The following PCBP3 variants were observed in gnomAD, a reference collection of about 807,000 sequenced individuals.
The protein encoded by PCBP3 is poly(rC)-binding protein 3.
In PCBP3, 25 loss-of-function variants were observed where a neutral mutation model predicts 52.7. The ratio of observed to expected loss-of-function variants is 0.47; its 90% CI spans 0.35 to 0.66. The LOEUF (loss-of-function observed/expected upper bound fraction) is 0.66. PCBP3 is among the 30% of genes least tolerant of loss of function. The pLI, the probability that PCBP3 is intolerant of heterozygous loss-of-function variation, is 0.01. For missense variants in PCBP3, 391 were observed against 490.3 expected, an observed-to-expected ratio of 0.80 and a Z score of 1.91; for synonymous variants, 162 against 183.0, an observed-to-expected ratio of 0.89 and a Z score of 0.93.
At chr21:45,790,275 A>C (rs2091452334) in intron 4 of PCBP3, among the ~76,000 whole-genome samples, 3 of 152,152 alleles carry the variant, frequency 2.0e-5, no homozygotes, top group Admixed American at 2.0e-4. Flanking sequence ...TCCGTTTTGA[A>C]GGTAGGACCT....
rs546509981 is a variant in PCBP3 at position 45,878,822 on chromosome 21, TC to T, written c.11-17384del. On this transcript the variant is annotated intron_variant, in intron 5 of 17. Coordinates refer to ENST00000681687, the MANE Select transcript of PCBP3 (RefSeq NM_001384156.1). ...GGAAGAAATAGGAACCCTCAGCCTC[TC>T]CAGCTGGGAAATGAGCAACACACAC... is the stretch of plus-strand genomic sequence containing the variant. Among the ~76,000 whole-genome samples the T allele has an allele frequency of 4.1e-4, 63 of 152,236 alleles. 2 individuals carry two copies. Among genetic ancestry groups the T allele is most frequent in the African/African-American group, 1.5e-3 (62 of 41,530 alleles).
At chr21:45,897,364 C>G (rs1348787814) in intron 6 of PCBP3, among the ~76,000 whole-genome samples, 2 of 152,338 alleles carry the variant, frequency 1.3e-5, no homozygotes, top group East Asian at 3.9e-4. Context: ...GCAGTCGGCA[C>G]TTTCTGCACA....
intron 5 of PCBP3, among the ~76,000 whole-genome samples, chr21:45,863,555 A>G (rs1264740315): frequency 6.6e-6 from 1 of 152,190 alleles, no homozygotes; most frequent in Non-Finnish European, 1.5e-5. Context: ...CTGGGCAAAA[A>G]GTGGGTCACA....
chr21:45,670,619 G>T (rs1309415593), intron 2 of PCBP3, among the ~76,000 whole-genome samples: 1 of 152,184 alleles, frequency 6.6e-6, no homozygotes, highest in Non-Finnish European at 1.5e-5. Flanking sequence ...CTCAGTGCTT[G>T]GGAGGGCTGA....
rs112142273 is a variant in PCBP3 at position 45,777,414 on chromosome 21, G to A, written c.-126+21962G>A. 8.2e-3 allele frequency among the ~76,000 whole-genome samples: 1,245 copies of A among 152,214 alleles called. 17 individuals are homozygous for A. Among genetic ancestry groups the A allele is most frequent in the African/African-American group, 0.026 (1,084 of 41,550 alleles). On this transcript the variant is annotated intron_variant, in intron 4 of 17. Coordinates refer to ENST00000681687, the MANE Select transcript of PCBP3 (RefSeq NM_001384156.1). ...TACAGAGAAGACCTTTTTGCATTGC[G>A]TCTGCCTGGGAATCACTGAACATTC...
chr21:45,863,925 A>G (rs867279659), intron 5 of PCBP3, among the ~76,000 whole-genome samples: 5 of 152,202 alleles, frequency 3.3e-5, no homozygotes, highest in African/African-American at 7.2e-5. Flanking sequence ...GTTACGATGA[A>G]AAAGCGGAAA....
At chr21:45,662,732 A>G (rs2330187) in intron 1 of PCBP3, among the ~76,000 whole-genome samples, 144,349 of 152,152 alleles carry the variant, frequency 0.95, 68,549 homozygotes, top group East Asian at 1. Flanking sequence ...AAGGGACATG[A>G]TGAGAAGTGA....
rs182329287 is a variant in PCBP3, at chr21:45,880,062, G to C, written c.11-16146G>C. Among the ~76,000 whole-genome samples, 1 of 152,330 alleles carries C rather than the reference G, an allele frequency of 6.6e-6. No individual in the cohort carries two copies. The highest frequency in any genetic ancestry group is 1.9e-4 in the East Asian group (1 of 5,184). ...TGCAAAACGGTGGCAGTTCTCTGCT[G>C]TCTGCGTTTGTTGTGTGGCGTGAGA... On this transcript the variant is annotated intron_variant, in intron 5 of 17. Transcript: ENST00000681687. The surrounding 1 kb of genome is among the most constrained non-coding windows in gnomAD (Gnocchi z 5.4).
At position 45,669,788 on chromosome 21, in the gene PCBP3, TG is replaced by T. The variant is rs1236721570; in HGVS notation, c.-200+837del. Among the ~76,000 whole-genome samples the T allele has an allele frequency of 2.7e-3, 136 of 49,474 alleles. 4 individuals carry two copies. In the East Asian group the frequency reaches 0.034, roughly 12 times the overall value. The allele number at this position is 49,474 out of a possible 152,430, so 32.5% of individuals were successfully genotyped here. On this transcript the variant is annotated intron_variant, in intron 2 of 17. Coordinates refer to ENST00000681687, the MANE Select transcript of PCBP3 (RefSeq NM_001384156.1). ...TTTTTAAGACTGAATAATATTCCAT[TG>T]TGTGTGTGTGTGTGTGTATATATAT...
intron 13 of PCBP3, among the ~76,000 whole-genome samples, chr21:45,921,739 A>G (rs951492805): frequency 3.3e-5 from 5 of 152,140 alleles, no homozygotes; most frequent in Non-Finnish European, 5.9e-5. Flanking sequence ...GGATTGCCTG[A>G]GCCCGGGAGG....
chr21:45,694,075 A>C (rs2082633012), intron 2 of PCBP3, among the ~76,000 whole-genome samples: 1 of 151,946 alleles, frequency 6.6e-6, no homozygotes, highest in African/African-American at 2.4e-5. Context: ...CACTAGAATA[A>C]ATAAAGAAGC....
chr21:45,794,380 C>T (rs1381754058), intron 4 of PCBP3, among the ~76,000 whole-genome samples: 1 of 152,162 alleles, frequency 6.6e-6, no homozygotes, highest in Non-Finnish European at 1.5e-5. Flanking sequence ...CGTGCCTCTG[C>T]ACTCCAGCCC....
intron 1 of PCBP3, among the ~76,000 whole-genome samples, chr21:45,646,087 C>CTCTCTCTCTCTT (rs2044634558): frequency 3.5e-5 from 3 of 84,618 alleles, no homozygotes; most frequent in African/African-American, 1.2e-4. Flanking sequence ...CTCTCTTTCT[C>CTCTCTCTCTCTT]TCTCTCTCTC....
intron 10 of PCBP3, among the ~76,000 whole-genome samples, chr21:45,910,190 A>G (rs1259730018): frequency 7.5e-4 from 3 of 4,018 alleles, no homozygotes; most frequent in Middle Eastern, 0.25. Flanking sequence ...GACCCCCCCC[A>G]CCCACTGCCC....
At chr21:45,940,275 CG>C in intron 17 of PCBP3, 76 bp downstream of exon 17, 12 of 1,344,162 alleles carry the variant, frequency 8.9e-6, no homozygotes, top group Non-Finnish European at 1.0e-5. Flanking sequence ...CCTGGACGGT[CG>C]GGGGGTGGGA....
intron 5 of PCBP3, among the ~76,000 whole-genome samples, chr21:45,873,686 A>T (rs1302217383): frequency 6.6e-6 from 1 of 152,132 alleles, no homozygotes; most frequent in Non-Finnish European, 1.5e-5. Flanking sequence ...CTGGGTACTG[A>T]AAGGCCTTCC....
At chr21:45,747,861 G>A (rs181809699) in intron 3 of PCBP3, among the ~76,000 whole-genome samples, 3 of 152,304 alleles carry the variant, frequency 2.0e-5, no homozygotes, top group Admixed American at 2.0e-4. Context: ...TGGCTAGGTA[G>A]CGTTCCTTCT....
intron 4 of PCBP3, among the ~76,000 whole-genome samples, chr21:45,803,093 A>G (rs1222532554): frequency 6.6e-6 from 1 of 152,186 alleles, no homozygotes; most frequent in Non-Finnish European, 1.5e-5. Flanking sequence ...TCACAAAGCA[A>G]CTTGAGAAAA....
intron 2 of PCBP3, among the ~76,000 whole-genome samples, chr21:45,719,602 G>A (rs539551314): frequency 1.3e-5 from 2 of 152,222 alleles, no homozygotes; most frequent in African/African-American, 4.8e-5. Flanking sequence ...CACGAGATCT[G>A]ATGGTTTTAT....
Sources: allele counts gnomAD v4.1 joint callset (sites outside exome capture counted in the v4.1 genomes callset), GRCh38; gene constraint gnomAD v4.1.1; non-coding constraint Gnocchi (gnomAD v3.1); transcripts MANE v1.5; gene names NCBI Gene and HGNC (gene_info 2026-07-23, HGNC 2026-07-21).